The following KIF26B variants were observed in gnomAD, a reference collection of about 807,000 sequenced individuals.
The protein encoded by KIF26B is kinesin-like protein KIF26B.
KIF26B carries 63 observed loss-of-function variants against 151.2 expected under a neutral mutation model. The ratio of observed to expected loss-of-function variants is 0.42; its 90% CI spans 0.34 to 0.51. KIF26B has a LOEUF of 0.51. Among genes scored for constraint, KIF26B ranks in the 20% least tolerant of loss-of-function variants. KIF26B has a pLI of 0.07. For synonymous variants in KIF26B, 1,357 were observed against 1,262.1 expected, an observed-to-expected ratio of 1.08 and a Z score of -1.59; for missense variants, 2,813 against 2,913.6, an observed-to-expected ratio of 0.97 and a Z score of 0.79.
chr1:245,650,237 A>C (rs986549813), intron 10 of KIF26B, among the ~76,000 whole-genome samples: 2 of 152,182 alleles, frequency 1.3e-5, no homozygotes, highest in Non-Finnish European at 2.9e-5. Flanking sequence ...TTGACAGTGC[A>C]TTTGCAAATT....
chr1:245,486,688 G>A (rs1660288212), intron 4 of KIF26B, among the ~76,000 whole-genome samples: 1 of 150,760 alleles, frequency 6.6e-6, no homozygotes, highest in South Asian at 2.1e-4. Flanking sequence ...ATTTTTTTTT[G>A]GGACGAGGTC....
At chr1:245,305,936 C>CCAAAAA (rs1671529726) in intron 2 of KIF26B, among the ~76,000 whole-genome samples, 1 of 86,704 alleles carries the variant, frequency 1.2e-5, no homozygotes, top group Non-Finnish European at 2.2e-5. Context: ...GACGACTCCT[C>CCAAAAA]AAAAAAAAAA....
chr1:245,612,023 C>T, intron 9 of KIF26B, 47 bp downstream of exon 9: 5 of 1,571,340 alleles, frequency 3.2e-6, no homozygotes, highest in Non-Finnish European at 4.4e-6. Context: ...GCTCTGGCCC[C>T]AGCCAGAAAT....
intron 2 of KIF26B, among the ~76,000 whole-genome samples, chr1:245,247,438 A>G (rs1670356939): frequency 6.6e-6 from 1 of 152,232 alleles, no homozygotes; most frequent in Non-Finnish European, 1.5e-5. Context: ...AGCCTGGGCG[A>G]CAGAGCGAGA....
chr1:245,600,391 G>A (rs1332747483), intron 5 of KIF26B, among the ~76,000 whole-genome samples: 2 of 151,458 alleles, frequency 1.3e-5, no homozygotes, highest in African/African-American at 2.4e-5. Flanking sequence ...GGAGTGCAGT[G>A]GCATGATCAT....
intron 2 of KIF26B, among the ~76,000 whole-genome samples, chr1:245,354,094 AAC>A (rs1309039145): frequency 2.6e-5 from 4 of 152,130 alleles, no homozygotes; most frequent in African/African-American, 7.2e-5. Flanking sequence ...CCTCCCGCCA[AAC>A]GCTTCATGAC....
At chr1:245,296,993 T>C (rs1245889688) in intron 2 of KIF26B, among the ~76,000 whole-genome samples, 1 of 152,218 alleles carries the variant, frequency 6.6e-6, no homozygotes, top group Non-Finnish European at 1.5e-5. Flanking sequence ...AACTTAATAG[T>C]ATGAACTGTG....
intron 4 of KIF26B, among the ~76,000 whole-genome samples, chr1:245,448,476 C>T (rs1293058972): frequency 2.6e-5 from 4 of 152,190 alleles, no homozygotes; most frequent in Non-Finnish European, 4.4e-5. Flanking sequence ...TCCCAAAGTG[C>T]TGGGATTACA....
chr1:245,244,918 G>A lies in KIF26B; in HGVS notation c.465+88235G>A, dbSNP rs368705251. 1.3e-5 allele frequency among the ~76,000 whole-genome samples: 2 copies of A among 152,110 alleles called. No homozygotes were observed. The highest frequency in any genetic ancestry group is 2.4e-5 in the African/African-American group (1 of 41,406). On this transcript the variant is annotated intron_variant, in intron 2 of 14. Coordinates refer to ENST00000407071, the MANE Select transcript of KIF26B (RefSeq NM_018012.4). This position sits in a 1 kb window ranked among gnomAD's most constrained non-coding sequence, Gnocchi z 4.2. ...TCATGACTGCTCATGATGGCAGTCAGTTTATCCAGATCACAAGTCAGAAGG... is the reference window on the plus strand; with the variant it reads ...TCATGACTGCTCATGATGGCAGTCAATTTATCCAGATCACAAGTCAGAAGG...
At chr1:245,183,582 A>G (rs1439555231) in intron 2 of KIF26B, among the ~76,000 whole-genome samples, 1 of 152,204 alleles carries the variant, frequency 6.6e-6, no homozygotes, top group Non-Finnish European at 1.5e-5. Flanking sequence ...AAGCATATGT[A>G]GTGGCCGTCA....
At chr1:245,220,479 T>G (rs892483980) in intron 2 of KIF26B, among the ~76,000 whole-genome samples, 3 of 152,100 alleles carry the variant, frequency 2.0e-5, no homozygotes, top group African/African-American at 7.2e-5. Context: ...CTCCCTCCCC[T>G]TCCGTTTCTC....
intron 4 of KIF26B, among the ~76,000 whole-genome samples, chr1:245,456,458 T>G (rs1466411816): frequency 6.6e-6 from 1 of 152,250 alleles, no homozygotes; most frequent in Non-Finnish European, 1.5e-5. Context: ...AATGCCCAGT[T>G]TCTGGAACCC....
At position 245,688,279 on chromosome 1, in the gene KIF26B, G is replaced by A; in HGVS notation, c.5296G>A (p.Ala1766Thr). Residue 1766 changes from alanine to threonine, a missense_variant, in exon 12 of 15, where the codon GCG becomes ACG. Physicochemically the swap from Ala to Thr is moderately conservative, Grantham distance 58. Around this residue, in one of 3 missense-constraint regions of KIF26B, gnomAD observed 2,060 missense variants for 2,088.6 expected, o/e 0.99. Transcript: ENST00000407071. ...CTTCTCCACCAAGTCCCTGCCGCAG[G>A]CGGTGGGCCAGGGCTCCAGCTCGCC... ...LSFSTKSLPQ[A>T]VGQGSSSPPG... 6.3e-7 allele frequency: 1 copy of A among 1,596,274 alleles called. No individual in the cohort carries two copies. The highest frequency in any genetic ancestry group is 8.5e-7 in the Non-Finnish European group (1 of 1,177,984).
chr1:245,660,437 C>A (rs2044123527), intron 10 of KIF26B, among the ~76,000 whole-genome samples: 1 of 150,350 alleles, frequency 6.7e-6, no homozygotes, highest in African/African-American at 2.5e-5. Context: ...CCGGGCTCAA[C>A]AGCGATCCTC....
At chr1:245,640,122 G>GCTCGCTCGCTCTCTCTCTCTCTCT (rs1553299289) in intron 9 of KIF26B, among the ~76,000 whole-genome samples, 2 of 53,974 alleles carry the variant, frequency 3.7e-5, no homozygotes, top group African/African-American at 7.5e-5. Flanking sequence ...ACTAATATTT[G>GCTCGCTCGCTCTCTCTCTCTCTCT]CTCTCTCTCT....
chr1:245,273,105 C>G (rs1179596661), intron 2 of KIF26B, among the ~76,000 whole-genome samples: 2 of 151,860 alleles, frequency 1.3e-5, no homozygotes, highest in East Asian at 1.9e-4. Flanking sequence ...ATACTGTACT[C>G]TATACATTAT....
At chr1:245,517,586 A>C (rs1660997866) in intron 4 of KIF26B, among the ~76,000 whole-genome samples, 1 of 152,202 alleles carries the variant, frequency 6.6e-6, no homozygotes, top group Non-Finnish European at 1.5e-5. Context: ...TTGATGTATT[A>C]TAGGTGCTGT....
chr1:245,506,589 T>C (rs549647159), intron 4 of KIF26B, among the ~76,000 whole-genome samples: 7 of 152,312 alleles, frequency 4.6e-5, no homozygotes, highest in South Asian at 2.1e-4. Context: ...CACAGCATCA[T>C]AGAATACTAC....
rs150490813 is a variant in KIF26B at position 245,564,394 on chromosome 1, G to C, written c.1350+23444G>C. Among the ~76,000 whole-genome samples the C allele has an allele frequency of 6.6e-6, 1 of 151,944 alleles. No homozygotes were observed. Among genetic ancestry groups the C allele is most frequent in the Non-Finnish European group, 1.5e-5 (1 of 67,942 alleles). ...TTTCCCGGAGCAGGAACGGGGCCAC[G>C]GCCGTGTTTGCATTTTCTGAACCCA... On this transcript the variant is annotated intron_variant, in intron 5 of 14. Coordinates refer to ENST00000407071, the MANE Select transcript of KIF26B (RefSeq NM_018012.4). This position sits in a 1 kb window ranked among gnomAD's most constrained non-coding sequence, Gnocchi z 4.6.
Sources: gnomAD v4.1 joint callset for allele counts (sites outside exome capture counted in the v4.1 genomes callset) on GRCh38, gnomAD v4.1.1 for gene constraint, gnomAD v4.1.1 regional missense constraint, Gnocchi (gnomAD v3.1) non-coding constraint, MANE v1.5 for transcripts, NCBI Gene and HGNC (gene_info 2026-07-23, HGNC 2026-07-21) for gene names.